Variants in KIF26B observed in about 807,000 individuals in gnomAD.
KIF26B encodes kinesin family member 26B.
In KIF26B, 63 loss-of-function variants were observed where a neutral mutation model predicts 151.2. The ratio of observed to expected loss-of-function variants is 0.42; its 90% CI spans 0.34 to 0.51. KIF26B has a LOEUF of 0.51. KIF26B is among the 20% of genes least tolerant of loss of function. The pLI is 0.07. For synonymous variants in KIF26B, 1,357 were observed against 1,262.1 expected, an observed-to-expected ratio of 1.08 and a Z score of -1.59; for missense variants, 2,813 against 2,913.6, an observed-to-expected ratio of 0.97 and a Z score of 0.79.
In KIF26B at chr1:245,318,350, G is replaced by A. The variant is rs1573772056; in HGVS notation, c.466-48484G>A. Among the ~76,000 whole-genome samples the A allele has an allele frequency of 6.6e-6, 1 of 152,250 alleles. No homozygotes were observed. The highest frequency in any genetic ancestry group is 1.9e-4 in the East Asian group (1 of 5,172). On this transcript the variant is annotated intron_variant, in intron 2 of 14. Coordinates refer to ENST00000407071, the MANE Select transcript of KIF26B (RefSeq NM_018012.4). The surrounding 1 kb of genome is among the most constrained non-coding windows in gnomAD (Gnocchi z 4.0). ...ATTCCACTTACCCTCAGCAAGACGA[G>A]GGAAGAAGAAGATTCTGGAAAGGGA...
intron 4 of KIF26B, among the ~76,000 whole-genome samples, chr1:245,482,013 A>G (rs1201041776): frequency 6.6e-6 from 1 of 151,852 alleles, no homozygotes; most frequent in Non-Finnish European, 1.5e-5. Context: ...ACGAGAGAGC[A>G]TATTTGATTC....
Position 245,688,153 on chromosome 1 carries a change from T to C in KIF26B, c.5170T>C (p.Ser1724Pro). The C allele has an allele frequency of 6.3e-7, 1 of 1,595,574 alleles. No individual in the cohort carries two copies. Among genetic ancestry groups the C allele is most frequent in the Non-Finnish European group, 8.5e-7 (1 of 1,177,472 alleles). ...AGTSPPSSGA[S>P]PKAGQSKISA... ...GACCTCGCCCCCCAGCTCCGGGGCC[T>C]CGCCCAAGGCCGGCCAGTCCAAGAT... is the stretch of plus-strand genomic sequence containing the variant. The change falls in exon 12 of 15, where the codon TCG (serine) becomes CCG (proline). Residue 1724 changes from serine to proline, a missense_variant. Physicochemically the swap from Ser to Pro is moderately conservative, Grantham distance 74. Transcript: ENST00000407071.
At chr1:245,230,576 C>T (rs969993172) in intron 2 of KIF26B, among the ~76,000 whole-genome samples, 1 of 151,960 alleles carries the variant, frequency 6.6e-6, no homozygotes, top group Non-Finnish European at 1.5e-5. Flanking sequence ...AACCCCATCT[C>T]TACTAAAAAT....
intron 2 of KIF26B, among the ~76,000 whole-genome samples, chr1:245,343,890 T>TA (rs1016649282): frequency 6.6e-5 from 10 of 152,298 alleles, no homozygotes; most frequent in African/African-American, 2.2e-4. Context: ...GTAACAGTGT[T>TA]AAAAAATAAT....
At chr1:245,479,478 T>TTTG (rs990637316) in intron 4 of KIF26B, among the ~76,000 whole-genome samples, 3 of 151,666 alleles carry the variant, frequency 2.0e-5, no homozygotes, top group African/African-American at 7.3e-5. Context: ...TCAGAGTTTT[T>TTTG]TTGTTGTTGT....
chr1:245,219,205 C>T (rs1669712208), intron 2 of KIF26B, among the ~76,000 whole-genome samples: 1 of 130,246 alleles, frequency 7.7e-6, no homozygotes, highest in South Asian at 2.6e-4. Flanking sequence ...GTGATGCGAT[C>T]TCAGCTCACT....
At chr1:245,527,116 A>C (rs889570174) in intron 4 of KIF26B, among the ~76,000 whole-genome samples, 3 of 152,218 alleles carry the variant, frequency 2.0e-5, no homozygotes, top group Non-Finnish European at 2.9e-5. Flanking sequence ...TAAATGATTT[A>C]ACTAGAAACT....
chr1:245,254,006 T>C, intron 2 of KIF26B, among the ~76,000 whole-genome samples: 1 of 151,924 alleles, frequency 6.6e-6, no homozygotes, highest in East Asian at 1.9e-4. Flanking sequence ...GAGATGGGGT[T>C]TCACCGTGTT....
At chr1:245,177,262 G>A (rs1297967470) in intron 2 of KIF26B, among the ~76,000 whole-genome samples, 1 of 152,176 alleles carries the variant, frequency 6.6e-6, no homozygotes, top group South Asian at 2.1e-4. Flanking sequence ...ATGAGTCACT[G>A]CACCTGTCCC....
intron 4 of KIF26B, among the ~76,000 whole-genome samples, chr1:245,508,658 G>A (rs1313609005): frequency 6.6e-6 from 1 of 152,130 alleles, no homozygotes; most frequent in Non-Finnish European, 1.5e-5. Flanking sequence ...GGGGCTAAAT[G>A]TGGTGGTCGT....
At chr1:245,586,008 T>C (rs934646993) in intron 5 of KIF26B, among the ~76,000 whole-genome samples, 1 of 151,644 alleles carries the variant, frequency 6.6e-6, no homozygotes, top group African/African-American at 2.4e-5. Flanking sequence ...TTTTTAATGT[T>C]TTTAGAGACA....
At chr1:245,397,736 T>G (rs942737222) in intron 3 of KIF26B, among the ~76,000 whole-genome samples, 1 of 152,200 alleles carries the variant, frequency 6.6e-6, no homozygotes, top group Non-Finnish European at 1.5e-5. Flanking sequence ...AAGGGGAACA[T>G]GCCAGTGTCT....
intron 4 of KIF26B, among the ~76,000 whole-genome samples, chr1:245,431,896 C>A (rs1389522514): frequency 6.6e-6 from 1 of 152,108 alleles, no homozygotes; most frequent in Non-Finnish European, 1.5e-5. Flanking sequence ...ACCATCTGTC[C>A]CCTGCCCTCT....
At chr1:245,494,191 A>G (rs1333850735) in intron 4 of KIF26B, among the ~76,000 whole-genome samples, 2 of 152,172 alleles carry the variant, frequency 1.3e-5, no homozygotes, top group Non-Finnish European at 2.9e-5. Context: ...CTGTAATCCC[A>G]GATACTCGGG....
intron 2 of KIF26B, among the ~76,000 whole-genome samples, chr1:245,366,628 AC>A (rs1672960522): frequency 6.6e-6 from 1 of 152,062 alleles, no homozygotes. Context: ...GAAAGTTTTC[AC>A]TATAAAATTC....
chr1:245,484,289 C>T lies in KIF26B; in HGVS notation c.1167-56478C>T, dbSNP rs1161860358. On this transcript the variant is annotated intron_variant, in intron 4 of 14. Transcript: ENST00000407071. The stretch of plus-strand genomic sequence containing the variant: ...AGGAAGTGCTAATGAAATGTCCCAC[C>T]ATTATGTATCTGTGTTCTCTTACAA... 1.3e-5 allele frequency among the ~76,000 whole-genome samples: 2 copies of T among 151,838 alleles called. 1 individual carries two copies. The highest frequency in any genetic ancestry group is 1.3e-4 in the Admixed American group (2 of 15,248).
chr1:245,289,247 G>C (rs1386766032), intron 2 of KIF26B, among the ~76,000 whole-genome samples: 2 of 152,214 alleles, frequency 1.3e-5, no homozygotes, highest in African/African-American at 4.8e-5. Context: ...TGTGGTTACA[G>C]GGTGGGATTT....
At chr1:245,303,336 C>T (rs901581185) in intron 2 of KIF26B, among the ~76,000 whole-genome samples, 16 of 150,794 alleles carry the variant, frequency 1.1e-4, no homozygotes, top group South Asian at 2.1e-4. Flanking sequence ...GTAGCTGGGA[C>T]TACAGGTGCC....
At chr1:245,431,202 A>T in intron 4 of KIF26B, among the ~76,000 whole-genome samples, 1 of 150,854 alleles carries the variant, frequency 6.6e-6, no homozygotes, top group African/African-American at 2.5e-5. Context: ...TTTTTGAGAC[A>T]GAGTCTCGCT....
Sources: allele counts gnomAD v4.1 joint callset (sites outside exome capture counted in the v4.1 genomes callset), GRCh38; gene constraint gnomAD v4.1.1; non-coding constraint Gnocchi (gnomAD v3.1); transcripts MANE v1.5; gene names NCBI Gene and HGNC (gene_info 2026-07-23, HGNC 2026-07-21).